The following DCHS1 variants were observed in gnomAD, a reference collection of about 807,000 sequenced individuals.
DCHS1 encodes the protein dachsous cadherin-related 1, also known as protocadherin-16.
DCHS1 carries 78 observed loss-of-function variants against 213.9 expected under a neutral mutation model. That is an observed-to-expected ratio of 0.36 (90% CI 0.30 to 0.44). The LOEUF (loss-of-function observed/expected upper bound fraction) is 0.44. Among genes scored for constraint, DCHS1 ranks in the 20% least tolerant of loss-of-function variants. The probability of loss-of-function intolerance (pLI) is 1.00; values close to 1 mark genes in which losing one functional copy is unlikely to be tolerated. For synonymous variants in DCHS1, 1,828 were observed against 1,873.7 expected, an observed-to-expected ratio of 0.98 and a Z score of 0.63; for missense variants, 3,946 against 4,395.9, an observed-to-expected ratio of 0.90 and a Z score of 2.89.
chr11:6,636,190 A>C (rs1855983022), intron 2 of DCHS1, among the ~76,000 whole-genome samples: 1 of 152,070 alleles, frequency 6.6e-6, no homozygotes, highest in Non-Finnish European at 1.5e-5. Context: ...TCCTGCTTTG[A>C]CTTTTCAAAA....
chr11:6,634,577 A>G (rs1481337150), intron 2 of DCHS1, among the ~76,000 whole-genome samples: 1 of 152,216 alleles, frequency 6.6e-6, no homozygotes, highest in Non-Finnish European at 1.5e-5. Context: ...TATGTTTAAT[A>G]TACATTGTTC....
chr11:6,637,388 T>TG (rs887214243), intron 2 of DCHS1, among the ~76,000 whole-genome samples: 14 of 152,168 alleles, frequency 9.2e-5, no homozygotes, highest in African/African-American at 3.4e-4. Context: ...ATATCCCTTC[T>TG]GGGGGGCAAA....
intron 5 of DCHS1, 37 bp downstream of exon 5, chr11:6,633,374 TG>T (rs561089571): frequency 3.3e-6 from 5 of 1,532,356 alleles, no homozygotes; most frequent in Non-Finnish European, 4.4e-6. Context: ...CTGGGGTATT[TG>T]GGTCTGACAC....
intron 1 of DCHS1, among the ~76,000 whole-genome samples, chr11:6,646,258 G>C (rs1856153582): frequency 6.6e-6 from 1 of 152,148 alleles, no homozygotes; most frequent in South Asian, 2.1e-4. Flanking sequence ...CGCACATGCT[G>C]CCGGGGCACT....
chr11:6,626,734 C>G lies in DCHS1; in HGVS notation c.6250+55G>C. On this transcript the variant is annotated intron_variant, in intron 14 of 20. Coordinates refer to ENST00000299441, the MANE Select transcript of DCHS1 (RefSeq NM_003737.4). The surrounding 1 kb of genome is among the most constrained non-coding windows in gnomAD (Gnocchi z 5.2). ...GAGAGTTTGGGGGACATTTTCAAAGCACAACCCCAGCCCATTTGGGAGTCT... is the reference window on the plus strand; with the variant it reads ...GAGAGTTTGGGGGACATTTTCAAAGGACAACCCCAGCCCATTTGGGAGTCT... 1.9e-6 allele frequency: 3 copies of G among 1,610,012 alleles called. No homozygotes were observed. The highest frequency in any genetic ancestry group is 2.5e-6 in the Non-Finnish European group (3 of 1,178,258).
Position 6,632,534 on chromosome 11 carries a change from G to A in DCHS1, c.2978C>T (p.Thr993Ile), listed in dbSNP as rs759469827. ...RLRVVVQDVG[T>I]RGLAPRFNSP... ...GTTGAATCGGGGAGCCAGCCCACGGGTTCCCACATCCTGTACCACCACCCG... is the reference window on the plus strand; with the variant it reads ...GTTGAATCGGGGAGCCAGCCCACGGATTCCCACATCCTGTACCACCACCCG... The change falls in exon 6 of 21, where the codon ACC becomes ATC. Residue 993 changes from threonine to isoleucine, a missense_variant. Physicochemically the swap from Thr to Ile is moderately conservative, Grantham distance 89. Coordinates refer to ENST00000299441, the MANE Select transcript of DCHS1 (RefSeq NM_003737.4). The surrounding 1 kb of genome is among the most constrained non-coding windows in gnomAD (Gnocchi z 5.9). The A allele has an allele frequency of 1.3e-6, 2 of 1,534,456 alleles. No individual in the cohort carries two copies. Among genetic ancestry groups the A allele is most frequent in the Non-Finnish European group, 1.8e-6 (2 of 1,138,658 alleles).
chr11:6,632,135 C>A lies in DCHS1; in HGVS notation c.3377G>T (p.Arg1126Leu). 1 of 1,578,884 alleles carries A rather than the reference C, an allele frequency of 6.3e-7. No individual in the cohort carries two copies. Among genetic ancestry groups the A allele is most frequent in the Non-Finnish European group, 8.6e-7 (1 of 1,158,374 alleles). ...TGAGTCTCGGTCAGTGGCAAAGACT[C>A]GGCCCACGCTGGTCCCTGGGGGCTG... The part of the protein sequence containing the change: ...ENQPPGTSVG[R>L]VFATDRDSGP... The change falls in exon 6 of 21, where the codon CGA becomes CTA. Residue 1126 changes from arginine (R) to leucine (L), a missense_variant. Arg to Leu is a moderately radical substitution (Grantham distance 102). Coordinates refer to ENST00000299441, the MANE Select transcript of DCHS1 (RefSeq NM_003737.4). This position sits in a 1 kb window ranked among gnomAD's most constrained non-coding sequence, Gnocchi z 5.9.
At position 6,640,047 on chromosome 11, in the gene DCHS1, T is replaced by C. The variant is rs1308570264; in HGVS notation, c.1567A>G (p.Ile523Val). The C allele has an allele frequency of 5.6e-6, 9 of 1,613,844 alleles. No individual in the cohort carries two copies. In the African/African-American group the frequency reaches 9.3e-5, roughly 17 times the overall value. The change falls in exon 2 of 21, where the codon ATT (isoleucine) becomes GTT (valine). Residue 523 changes from isoleucine to valine, a missense_variant. Ile to Val is a conservative substitution (Grantham distance 29). Around this residue, in one of 3 missense-constraint regions of DCHS1, gnomAD observed 3,384 missense variants for 3,780.1 expected, o/e 0.90. Coordinates refer to ENST00000299441, the MANE Select transcript of DCHS1 (RefSeq NM_003737.4). The surrounding 1 kb of genome is among the most constrained non-coding windows in gnomAD (Gnocchi z 6.5). ...APGAHTHWFS[I>V]DPTSGIITTA... ...GTGATAATGCCTGAGGTGGGGTCAATGGAGAACCAGTGGGTGTGGGCGCCA... is the reference window on the plus strand; with the variant it reads ...GTGATAATGCCTGAGGTGGGGTCAACGGAGAACCAGTGGGTGTGGGCGCCA...
In DCHS1 at chr11:6,630,008, A is replaced by G; in HGVS notation, c.4786T>C (p.Ser1596Pro). 4 of 1,566,282 alleles carry G rather than the reference A, an allele frequency of 2.6e-6. No individual in the cohort carries two copies. The highest frequency in any genetic ancestry group is 3.5e-6 in the Non-Finnish European group (4 of 1,152,138). Residue 1596 changes from serine to proline, a missense_variant, in exon 10 of 21, where the codon TCA becomes CCA. Ser to Pro is a moderately conservative substitution (Grantham distance 74). Transcript: ENST00000299441. ...CAGACCTAACTCTCACCAGTGCTTG[A>G]GTGCAGCCGGAAGTGGCCGTCCCCG... ...SGGDGHFRLHSSTGALSVVRP... is the reference protein window; with the variant it reads ...SGGDGHFRLHPSTGALSVVRP...
At position 6,640,717 on chromosome 11, in the gene DCHS1, G is replaced by T; in HGVS notation, c.897C>A (p.Ser299Arg). The T allele has an allele frequency of 6.2e-7, 1 of 1,613,818 alleles. No homozygotes were observed. Reference protein sequence around the residue: ...AVTYEINRRQSEGDGPFSIDA... With the variant: ...AVTYEINRRQREGDGPFSIDA... ...CGATGGAGAAGGGTCCATCACCCTC[G>T]CTCTGCCTCCGGTTGATCTCGTAAG... The change falls in exon 2 of 21, where the codon AGC becomes AGA. Residue 299 changes from serine to arginine, a missense_variant. Physicochemically the swap from Ser to Arg is moderately radical, Grantham distance 110. Around this residue, in one of 3 missense-constraint regions of DCHS1, gnomAD observed 3,384 missense variants for 3,780.1 expected, o/e 0.90. Coordinates refer to ENST00000299441, the MANE Select transcript of DCHS1 (RefSeq NM_003737.4). The surrounding 1 kb of genome is among the most constrained non-coding windows in gnomAD (Gnocchi z 6.5).
chr11:6,633,201 A>G, intron 5 of DCHS1, 145 bp from the exon 6 acceptor site: 4 of 1,172,402 alleles, frequency 3.4e-6, no homozygotes, highest in Non-Finnish European at 4.8e-6. Context: ...GTTGGCAAAG[A>G]AGTTGGTTGG....
intron 1 of DCHS1, among the ~76,000 whole-genome samples, chr11:6,647,466 T>C (rs1459955355): frequency 1.3e-5 from 2 of 151,980 alleles, no homozygotes; most frequent in Non-Finnish European, 2.9e-5. Flanking sequence ...CCTGGCTCTG[T>C]CCCTCCTGAG....
chr11:6,623,287 C>T lies in DCHS1; in HGVS notation c.8389G>A (p.Val2797Ile), dbSNP rs1427473251. ...AADAGNLSAS[V>I]TVSVLVTGED... ...CCAGTCACTAGCACCGACACAGTGA[C>T]AGAGGCTGAGAGATTCCCAGCATCA... is the stretch of plus-strand genomic sequence containing the variant. The change falls in exon 21 of 21, where the codon GTC becomes ATC. Residue 2797 changes from valine (V) to isoleucine (I), a missense_variant. Val to Ile is a conservative substitution (Grantham distance 29, BLOSUM62 3). Coordinates refer to ENST00000299441, the MANE Select transcript of DCHS1 (RefSeq NM_003737.4). 1 of 1,588,600 alleles carries T rather than the reference C, an allele frequency of 6.3e-7. No homozygotes were observed. The highest frequency in any genetic ancestry group is 1.1e-5 in the South Asian group (1 of 87,326).
intron 1 of DCHS1, among the ~76,000 whole-genome samples, chr11:6,649,595 TA>T (rs571791185): frequency 6.6e-6 from 1 of 152,150 alleles, no homozygotes; most frequent in Non-Finnish European, 1.5e-5. Flanking sequence ...GTTGAAGACT[TA>T]CCATGTGCCA....
At position 6,626,661 on chromosome 11, in the gene DCHS1, A is replaced by T. The variant is rs374937999; in HGVS notation, c.6255T>A (p.Thr2085=). 2 of 1,613,722 alleles carry T rather than the reference A, an allele frequency of 1.2e-6. No homozygotes were observed. Among genetic ancestry groups the T allele is most frequent in the Admixed American group, 1.7e-5 (1 of 60,006 alleles). The change falls in exon 15 of 21, where the codon ACT becomes ACA. Residue 2085 remains threonine, a synonymous_variant. Coordinates refer to ENST00000299441, the MANE Select transcript of DCHS1 (RefSeq NM_003737.4). The surrounding 1 kb of genome is among the most constrained non-coding windows in gnomAD (Gnocchi z 5.2). ...ATIRENAPPG[T]PIVSPRAVHA... ...GGACGGCCCTGGGGGAGACAATAGG[A>T]GTCCCTGCAGAAAGAACGGTATTGT...
At chr11:6,654,510 G>T (rs1247249964) in intron 1 of DCHS1, among the ~76,000 whole-genome samples, 1 of 152,132 alleles carries the variant, frequency 6.6e-6, no homozygotes, top group South Asian at 2.1e-4. Context: ...ACAATGAACC[G>T]GTGGGAGTAT....
At chr11:6,633,318 C>T in intron 5 of DCHS1, 94 bp downstream of exon 5, 3 of 1,322,374 alleles carry the variant, frequency 2.3e-6, no homozygotes, top group Non-Finnish European at 1.0e-6. Context: ...GGGCTATCTG[C>T]CCTGTGATAC....
Position 6,632,554 on chromosome 11 carries a change from C to T in DCHS1, c.2958G>A (p.Val986=). The change falls in exon 6 of 21, where the codon GTG becomes GTA. Residue 986 remains valine, a synonymous_variant. Transcript: ENST00000299441. The surrounding 1 kb of genome is among the most constrained non-coding windows in gnomAD (Gnocchi z 5.9). ...PPRTSHFRLR[V]VVQDVGTRGL... ...CACGGGTTCCCACATCCTGTACCAC[C>T]ACCCGTAGTCGAAAGTGGCTGGTGC... The T allele has an allele frequency of 6.6e-7, 1 of 1,521,538 alleles. No individual in the cohort carries two copies. The highest frequency in any genetic ancestry group is 8.8e-7 in the Non-Finnish European group (1 of 1,131,592). 94.3% of individuals were successfully genotyped at this position (1,521,538 alleles called of 1,614,324 possible). A position where few individuals can be genotyped will look rare whatever the true frequency, so the allele number is the denominator to read the frequency against.
chr11:6,624,072 G>T lies in DCHS1; in HGVS notation c.7604C>A (p.Pro2535His). ...GNWGRVFQLE[P>H]RLAEAGESAG... ...ACTCTCCCCAGCCTCAGCCAGCCTG[G>T]GTTCCAGCTGGAAGACTCGGCCCCA... Residue 2535 changes from proline (P) to histidine (H), a missense_variant, in exon 21 of 21, where the codon CCC becomes CAC. This residue lies in a region of DCHS1 where 3,384 missense variants were observed against 3,780.1 expected (regional missense o/e 0.90). Transcript: ENST00000299441. The T allele has an allele frequency of 6.2e-7, 1 of 1,612,956 alleles. No individual in the cohort carries two copies. The highest frequency in any genetic ancestry group is 8.5e-7 in the Non-Finnish European group (1 of 1,179,582).
Sources: allele counts gnomAD v4.1 joint callset (sites outside exome capture counted in the v4.1 genomes callset), GRCh38; gene constraint gnomAD v4.1.1; regional missense constraint gnomAD v4.1.1; non-coding constraint Gnocchi (gnomAD v3.1); transcripts MANE v1.5; gene names NCBI Gene and HGNC (gene_info 2026-07-23, HGNC 2026-07-21).